E2F8: variants seen among roughly 807,000 people sequenced by gnomAD.
E2F8 encodes transcription factor E2F8.
In E2F8, 35 loss-of-function variants were observed where a neutral mutation model predicts 80.8. That is an observed-to-expected ratio of 0.43 (90% CI 0.33 to 0.57). The LOEUF is 0.57. E2F8 is among the 20% of genes least tolerant of loss of function. The pLI is 0.04. For missense variants in E2F8, 975 were observed against 1,056.2 expected (o/e 0.92, Z 1.07); for synonymous variants, 386 against 395.0 (o/e 0.98, Z 0.27).
intron 10 of E2F8, among the ~76,000 whole-genome samples, chr11:19,228,324 T>C (rs2133558494): frequency 6.6e-6 from 1 of 152,368 alleles, no homozygotes; most frequent in East Asian, 1.9e-4. Context: ...ATAGATGTTT[T>C]GAATGGTTAC....
At chr11:19,226,788 T>G (rs914926077) in intron 10 of E2F8, among the ~76,000 whole-genome samples, 2 of 152,252 alleles carry the variant, frequency 1.3e-5, no homozygotes, top group African/African-American at 4.8e-5. Flanking sequence ...AAGATTTCTT[T>G]CTAGTACTGC....
chr11:19,240,572 C>A lies in E2F8; in HGVS notation c.-134G>T, dbSNP rs1851632790. ...CCTGTTCGCAGATCAGGGCTCCGGA[C>A]TAAGCGCACGAGCCCAGGTCCCAGC... On this transcript the variant is annotated 5_prime_UTR_variant, in exon 1 of 13. An upstream open reading frame in the 5' UTR loses its in-frame stop. Transcript: ENST00000250024. The A allele has an allele frequency of 6.5e-6, 1 of 152,708 alleles. No homozygotes were observed. The highest frequency in any genetic ancestry group is 2.4e-5 in the African/African-American group (1 of 41,442). The allele number at this position is 152,708 out of a possible 1,614,324, so 9.5% of individuals were successfully genotyped here.
chr11:19,233,370 G>T (rs1657245826), intron 6 of E2F8, among the ~76,000 whole-genome samples: 1 of 152,110 alleles, frequency 6.6e-6, no homozygotes, highest in African/African-American at 2.4e-5. Flanking sequence ...TCACTTCTGG[G>T]GACAATTTTA....
intron 7 of E2F8, among the ~76,000 whole-genome samples, chr11:19,231,979 C>T (rs1851394877): frequency 6.6e-6 from 1 of 152,004 alleles, no homozygotes; most frequent in South Asian, 2.1e-4. Context: ...ACATATACAC[C>T]ATGGAATACT....
chr11:19,234,974 G>C lies in E2F8; in HGVS notation c.536C>G (p.Thr179Ser), dbSNP rs1851475379. 1 of 1,614,210 alleles carries C rather than the reference G, an allele frequency of 6.2e-7. No homozygotes were observed. The highest frequency in any genetic ancestry group is 8.5e-7 in the Non-Finnish European group (1 of 1,180,046). ...MVSRLAKNRYTWHGRHNLNKT... is the reference protein window; with the variant it reads ...MVSRLAKNRYSWHGRHNLNKT... Reference sequence around the variant, plus strand: ...GTTGAGATTGTGTCGCCCGTGCCAAGTGTACCTGTTTTTGGCGAGGCGGCT... The same window carrying C: ...GTTGAGATTGTGTCGCCCGTGCCAACTGTACCTGTTTTTGGCGAGGCGGCT... The change falls in exon 5 of 13, where the codon ACT (threonine) becomes AGT (serine). Residue 179 changes from threonine to serine, a missense_variant. Physicochemically the swap from Thr to Ser is moderately conservative, Grantham distance 58. Coordinates refer to ENST00000250024, the MANE Select transcript of E2F8 (RefSeq NM_024680.4).
At chr11:19,230,082 T>A in intron 9 of E2F8, 94 bp from the exon 10 acceptor site, 1 of 1,548,666 alleles carries the variant, frequency 6.5e-7, no homozygotes, top group Non-Finnish European at 8.8e-7. Context: ...CACGCTTTTA[T>A]GGAACATGCA....
intron 7 of E2F8, among the ~76,000 whole-genome samples, chr11:19,231,731 C>T (rs1851388117): frequency 6.6e-6 from 1 of 152,210 alleles, no homozygotes; most frequent in South Asian, 2.1e-4. Context: ...GTGCTTTCAA[C>T]TTTCCGAATG....
chr11:19,240,624 G>T lies in E2F8; in HGVS notation c.-186C>A, dbSNP rs1851634831. ...GAGCGCACGCGACCCCAAGTAACTG[G>T]GTACAAGTCTGCATCTAGATGCCTG... On this transcript the variant is annotated 5_prime_UTR_variant, in exon 1 of 13. Coordinates refer to ENST00000250024, the MANE Select transcript of E2F8 (RefSeq NM_024680.4). 1.3e-5 allele frequency: 2 copies of T among 152,414 alleles called. No homozygotes were observed. Among genetic ancestry groups the T allele is most frequent in the African/African-American group, 2.4e-5 (1 of 41,554 alleles). The allele number at this position is 152,414 out of a possible 1,614,324, so 9.4% of individuals were successfully genotyped here. A position where few individuals can be genotyped will look rare whatever the true frequency, so the allele number is the denominator to read the frequency against.
Position 19,229,545 on chromosome 11 carries a change from T to C in E2F8, c.1802A>G (p.Glu601Gly). The C allele has an allele frequency of 1.2e-6, 2 of 1,614,248 alleles. No individual in the cohort carries two copies. The highest frequency in any genetic ancestry group is 1.7e-6 in the Non-Finnish European group (2 of 1,180,050). ...AKSRTREPAGERGSKRASMLE... is the reference protein window; with the variant it reads ...AKSRTREPAGGRGSKRASMLE... ...CATGCTTGCCCTCTTTGAGCCTCTT[T>C]CTCCAGCTGGCTCCCTGGTTCGGCT... is the stretch of plus-strand genomic sequence containing the variant. Residue 601 changes from glutamate (E) to glycine (G), a missense_variant, in exon 10 of 13, where the codon GAA (glutamate) becomes GGA (glycine). Physicochemically the swap from Glu to Gly is moderately conservative, Grantham distance 98 (BLOSUM62 -2). Coordinates refer to ENST00000250024, the MANE Select transcript of E2F8 (RefSeq NM_024680.4). The surrounding 1 kb of genome is among the most constrained non-coding windows in gnomAD (Gnocchi z 4.3).
rs371897730 is a variant in E2F8, at chr11:19,225,487, C to T, written c.2155G>A (p.Ala719Thr). The change falls in exon 12 of 13, where the codon GCT becomes ACT. Residue 719 changes from alanine (A) to threonine (T), a missense_variant. Coordinates refer to ENST00000250024, the MANE Select transcript of E2F8 (RefSeq NM_024680.4). ...AVPVGNSPAL[A>T]SSHPVPIQNP... ...TGGATGGGAACAGGGTGGCTTGAAG[C>T]GAGAGCCGGGCTGTTCCCGACAGGT... 5.3e-5 allele frequency: 85 copies of T among 1,614,028 alleles called. No individual in the cohort carries two copies. Among genetic ancestry groups the T allele is most frequent in the African/African-American group, 4.1e-4 (31 of 74,918 alleles).
At chr11:19,235,809 G>A (rs1024500878) in intron 4 of E2F8, among the ~76,000 whole-genome samples, 2 of 151,998 alleles carry the variant, frequency 1.3e-5, no homozygotes, top group Non-Finnish European at 2.9e-5. Context: ...GTACACACAC[G>A]CCCATCTGTA....
At position 19,231,323 on chromosome 11, in the gene E2F8, C is replaced by T. The variant is rs367952888; in HGVS notation, c.1067-489G>A. ...GGATATGAACCTGGTCAATATGGCC[C>T]CGGAATTTTCACTCCAAATTCCTGC... On this transcript the variant is annotated intron_variant, in intron 7 of 12. Transcript: ENST00000250024. 2.0e-5 allele frequency among the ~76,000 whole-genome samples: 3 copies of T among 152,268 alleles called. No homozygotes were observed. The South Asian group carries it at 6.2e-4, about 32-fold the overall frequency.
intron 2 of E2F8, 46 bp from the exon 3 acceptor site, chr11:19,238,178 T>A: frequency 6.5e-7 from 1 of 1,547,406 alleles, no homozygotes; most frequent in Non-Finnish European, 8.7e-7. Context: ...AAAACAGGAT[T>A]TATCAGACAG....
chr11:19,236,801 A>G (rs1565072250), intron 4 of E2F8, among the ~76,000 whole-genome samples: 1 of 152,222 alleles, frequency 6.6e-6, no homozygotes, highest in Non-Finnish European at 1.5e-5. Context: ...AAATAGATTC[A>G]GGTCTTTGAA....
Position 19,234,886 on chromosome 11 carries a change from C to A in E2F8, c.624G>T (p.Met208Ile). The part of the protein sequence containing the change: ...EENKYAEQIM[M>I]IKKKEYEQEF... Reference sequence around the variant, plus strand: ...CTTGCTCATATTCTTTCTTTTTGATCATCATAATCTGCTCGGCGTACTTAT... The same window carrying A: ...CTTGCTCATATTCTTTCTTTTTGATAATCATAATCTGCTCGGCGTACTTAT... Residue 208 changes from methionine to isoleucine, a missense_variant, in exon 5 of 13, where the codon ATG becomes ATT. Transcript: ENST00000250024. The A allele has an allele frequency of 6.2e-7, 1 of 1,614,170 alleles. No homozygotes were observed. The highest frequency in any genetic ancestry group is 2.2e-5 in the East Asian group (1 of 44,882).
chr11:19,234,270 C>A (rs1851455954), intron 6 of E2F8, 90 bp downstream of exon 6: 1 of 1,430,698 alleles, frequency 7.0e-7, no homozygotes, highest in Admixed American at 2.0e-5. Context: ...TGTTTATGCA[C>A]CTATGTTTCC....
At chr11:19,237,492 A>C (rs781037311) in intron 3 of E2F8, 22 bp from the exon 4 acceptor site, 2 of 1,607,522 alleles carry the variant, frequency 1.2e-6, no homozygotes, top group East Asian at 4.5e-5. Flanking sequence ...AAGGTAAACA[A>C]TGTCTTATTC....
Position 19,224,686 on chromosome 11 carries a change from A to G in E2F8, c.2576T>C (p.Leu859Pro). Residue 859 changes from leucine (L) to proline (P), a missense_variant, in exon 13 of 13, where the codon CTG becomes CCG. Physicochemically the swap from Leu to Pro is moderately conservative, Grantham distance 98. Coordinates refer to ENST00000250024, the MANE Select transcript of E2F8 (RefSeq NM_024680.4). Reference sequence around the variant, plus strand: ...ATGGACATCCTCTGTTGAGACTTCCAGTTTTCGCTGTGGGACAAAGAGAGT... The same window carrying G: ...ATGGACATCCTCTGTTGAGACTTCCGGTTTTCGCTGTGGGACAAAGAGAGT... ...LGTLFVPQRK[L>P]EVSTEDVH The G allele has an allele frequency of 6.2e-7, 1 of 1,614,218 alleles. No homozygotes were observed. Among genetic ancestry groups the G allele is most frequent in the Non-Finnish European group, 8.5e-7 (1 of 1,180,038 alleles).
At chr11:19,241,022 C>G (rs1403461376), upstream of E2F8, 1 of 152,472 alleles carries the variant, frequency 6.6e-6, no homozygotes, top group East Asian at 1.9e-4. The surrounding 1 kb of genome is among the most constrained non-coding windows in gnomAD (Gnocchi z 4.5). Context: ...AGTTCCCGGA[C>G]AGCATCATCG....
Sources: allele counts gnomAD v4.1 joint callset (sites outside exome capture counted in the v4.1 genomes callset), GRCh38; gene constraint gnomAD v4.1.1; non-coding constraint Gnocchi (gnomAD v3.1); transcripts MANE v1.5; gene names NCBI Gene and HGNC (gene_info 2026-07-23, HGNC 2026-07-21).